Variants in LOC128462377 observed in about 807,000 individuals in gnomAD.
the LOC128462377 span, among the ~76,000 whole-genome samples, chr16:89,414,408 G>A: frequency 8.5e-5 from 13 of 152,266 alleles, no homozygotes; most frequent in African/African-American, 2.9e-4. Flanking sequence ...CGCGTGCTGG[G>A]GTCATCGGGG....
the LOC128462377 span, among the ~76,000 whole-genome samples, chr16:89,332,009 G>A: frequency 6.6e-6 from 1 of 152,080 alleles, no homozygotes; most frequent in Non-Finnish European, 1.5e-5. Flanking sequence ...AAACTCAGTA[G>A]CATGCAGTGG....
At chr16:89,376,353 C>T in the LOC128462377 span, among the ~76,000 whole-genome samples, 2 of 152,336 alleles carry the variant, frequency 1.3e-5, no homozygotes, top group African/African-American at 4.8e-5. Flanking sequence ...GGAGAAGCAG[C>T]TTCTGCCAAC....
At chr16:89,409,847 T>C in the LOC128462377 span, among the ~76,000 whole-genome samples, 5 of 152,280 alleles carry the variant, frequency 3.3e-5, no homozygotes, top group South Asian at 1.0e-3. Context: ...TATTTATTTA[T>C]TTATTTTTTG....
the LOC128462377 span, among the ~76,000 whole-genome samples, chr16:89,378,315 G>T: frequency 6.6e-6 from 1 of 152,140 alleles, no homozygotes; most frequent in African/African-American, 2.4e-5. Flanking sequence ...GTTATATGTG[G>T]ACTTGACTGT....
chr16:89,380,196 C>A, the LOC128462377 span, among the ~76,000 whole-genome samples: 4 of 152,102 alleles, frequency 2.6e-5, no homozygotes. Context: ...CACTTCAACA[C>A]CCACTTCACA....
the LOC128462377 span, among the ~76,000 whole-genome samples, chr16:89,337,770 T>C: frequency 6.6e-6 from 1 of 152,138 alleles, no homozygotes; most frequent in Non-Finnish European, 1.5e-5. Flanking sequence ...ATGCAGACAA[T>C]GTGCAGGTCT....
the LOC128462377 span, among the ~76,000 whole-genome samples, chr16:89,414,719 T>A: frequency 6.6e-6 from 1 of 152,096 alleles, no homozygotes; most frequent in Non-Finnish European, 1.5e-5. Flanking sequence ...GGACCCTATG[T>A]CACTGCGGCC....
chr16:89,405,124 G>A, the LOC128462377 span, among the ~76,000 whole-genome samples: 2 of 152,218 alleles, frequency 1.3e-5, no homozygotes, highest in African/African-American at 4.8e-5. Context: ...TCACGGTGGA[G>A]GCGAGGTTGC....
chr16:89,346,047 G>C, the LOC128462377 span, among the ~76,000 whole-genome samples: 1 of 151,940 alleles, frequency 6.6e-6, no homozygotes. Flanking sequence ...TTTGAGACCA[G>C]GCTGGCCAAC....
the LOC128462377 span, among the ~76,000 whole-genome samples, chr16:89,413,476 T>C: frequency 1.3e-5 from 2 of 152,040 alleles, no homozygotes; most frequent in African/African-American, 4.8e-5. Context: ...ATACAAAAAA[T>C]TAGCCGGGCG....
At chr16:89,360,935 G>A in the LOC128462377 span, among the ~76,000 whole-genome samples, 2 of 152,078 alleles carry the variant, frequency 1.3e-5, no homozygotes, top group East Asian at 1.9e-4. Context: ...AGCCTGTGTC[G>A]GGACTTGGCC....
At chr16:89,350,936 A>T in the LOC128462377 span, among the ~76,000 whole-genome samples, 1 of 152,200 alleles carries the variant, frequency 6.6e-6, no homozygotes, top group African/African-American at 2.4e-5. Flanking sequence ...ACTCAGCAAC[A>T]GGCTCTACCA....
At chr16:89,380,174 G>A in the LOC128462377 span, among the ~76,000 whole-genome samples, 13 of 152,210 alleles carry the variant, frequency 8.5e-5, no homozygotes, top group South Asian at 2.1e-3. Flanking sequence ...GAGCGATGGC[G>A]TGATCTCGGC....
the LOC128462377 span, among the ~76,000 whole-genome samples, chr16:89,343,377 C>T: frequency 8.5e-5 from 13 of 152,188 alleles, no homozygotes; most frequent in Non-Finnish European, 1.5e-5. Flanking sequence ...ACTTTAATTG[C>T]TTAAACTGAA....
chr16:89,334,155 A>C, the LOC128462377 span, among the ~76,000 whole-genome samples: 1 of 137,298 alleles, frequency 7.3e-6, no homozygotes. Context: ...AAAAAAAAAA[A>C]AAAAAAAAAA....
At chr16:89,336,089 G>A in the LOC128462377 span, among the ~76,000 whole-genome samples, 2 of 152,230 alleles carry the variant, frequency 1.3e-5, no homozygotes, top group Non-Finnish European at 2.9e-5. Context: ...AGCTTTAACT[G>A]TTAATTTGCT....
chr16:89,388,321 G>A, the LOC128462377 span, among the ~76,000 whole-genome samples: 12 of 37,230 alleles, frequency 3.2e-4, no homozygotes, highest in East Asian at 1.1e-3. Context: ...TTTTTGAGAC[G>A]GAGTCTTGCT....
At chr16:89,338,089 G>C in the LOC128462377 span, among the ~76,000 whole-genome samples, 1 of 152,170 alleles carries the variant, frequency 6.6e-6, no homozygotes, top group South Asian at 2.1e-4. Flanking sequence ...GGAGCCCCAG[G>C]GGCCCCCACT....
chr16:89,368,513 C>T, the LOC128462377 span, among the ~76,000 whole-genome samples: 1 of 151,248 alleles, frequency 6.6e-6, no homozygotes, highest in African/African-American at 2.4e-5. Flanking sequence ...AGCCACCGCG[C>T]CCAGCCCAGA....
Sources: allele counts gnomAD v4.1 joint callset (sites outside exome capture counted in the v4.1 genomes callset), GRCh38; gene constraint gnomAD v4.1.1; transcripts MANE v1.5.